Variants in STXBP3 observed in about 807,000 individuals in gnomAD.
STXBP3 encodes the protein syntaxin binding protein 3, also known as syntaxin-binding protein 3.
In STXBP3, 41 loss-of-function variants were observed where a neutral mutation model predicts 85.7. The ratio of observed to expected loss-of-function variants is 0.48; its 90% CI spans 0.37 to 0.62. The LOEUF is 0.62. Ranked by LOEUF, STXBP3 falls within the 20% of genes least tolerant of loss-of-function variation. The pLI is 0.00. For missense variants in STXBP3, 563 were observed against 703.1 expected, an observed-to-expected ratio of 0.80 and a Z score of 2.25; for synonymous variants, 229 against 231.7, an observed-to-expected ratio of 0.99 and a Z score of 0.10.
intron 12 of STXBP3, 28 bp from the exon 13 acceptor site, chr1:108,794,799 T>C (rs1557813976): frequency 1.3e-6 from 2 of 1,593,306 alleles, no homozygotes; most frequent in South Asian, 2.2e-5. Context: ...TAAAATCCTT[T>C]AAATGATTGA....
In STXBP3 at chr1:108,772,430, TATG is replaced by T. The variant is rs549862963; in HGVS notation, c.439-232_439-230del. On this transcript the variant is annotated intron_variant, in intron 6 of 18. Transcript: ENST00000370008. ...ATATCTATCTGTATATATAAATACA[TATG>T]ATATCTATCTGTATAATATATAAAT... Among the ~76,000 whole-genome samples, 708 of 133,402 alleles carry T rather than the reference TATG, an allele frequency of 5.3e-3. 72 individuals are homozygous for T. The highest frequency in any genetic ancestry group is 0.02 in the African/African-American group (670 of 34,332). 87.5% of individuals were successfully genotyped at this position (133,402 alleles called of 152,430 possible). A position where few individuals can be genotyped will look rare whatever the true frequency, so the allele number is the denominator to read the frequency against.
chr1:108,800,280 G>A lies in STXBP3; in HGVS notation c.1510G>A (p.Val504Ile), dbSNP rs61736393. 1.8e-4 allele frequency: 284 copies of A among 1,611,794 alleles called. No homozygotes were observed. In the African/African-American group the frequency reaches 3.5e-3, roughly 20 times the overall value. The change falls in exon 17 of 19, where the codon GTA (valine) becomes ATA (isoleucine). Residue 504 changes from valine (V) to isoleucine (I), a missense_variant. Val to Ile is a conservative substitution (Grantham distance 29). Around this residue, in one of 3 missense-constraint regions of STXBP3, gnomAD observed 494 missense variants for 592.8 expected, o/e 0.83. Transcript: ENST00000370008. ...GCCATATTGTTCCCAGTGTCCAGCA[G>A]TATGGAATGGTTCAGGAGCTGTAAG... ...EWPYCSQCPA[V>I]WNGSGAVSAR...
chr1:108,789,958 C>T (rs1046473946), intron 11 of STXBP3, among the ~76,000 whole-genome samples: 1 of 134,796 alleles, frequency 7.4e-6, no homozygotes, highest in African/African-American at 2.9e-5. Flanking sequence ...TCCAGCTACT[C>T]AGGAGGCTGG....
chr1:108,795,656 A>T (rs1663073583), intron 13 of STXBP3, among the ~76,000 whole-genome samples: 1 of 152,166 alleles, frequency 6.6e-6, no homozygotes, highest in Non-Finnish European at 1.5e-5. Flanking sequence ...GACTGATCCC[A>T]TTTCAAGTGT....
chr1:108,791,218 A>G (rs1396807951), intron 11 of STXBP3, among the ~76,000 whole-genome samples: 1 of 152,190 alleles, frequency 6.6e-6, no homozygotes, highest in Non-Finnish European at 1.5e-5. Flanking sequence ...GAAAAAAGGC[A>G]GCTGTTAAGT....
chr1:108,750,645 C>CAGTTAGTTAGGAACT (rs1661880619), intron 1 of STXBP3, among the ~76,000 whole-genome samples: 1 of 152,118 alleles, frequency 6.6e-6, no homozygotes, highest in African/African-American at 2.4e-5. Context: ...GTAGGATATC[C>CAGTTAGTTAGGAACT]AGTTAGTTAG....
At chr1:108,796,411 T>C (rs1433736961) in intron 14 of STXBP3, 39 bp downstream of exon 14, 3 of 1,371,354 alleles carry the variant, frequency 2.2e-6, no homozygotes, top group East Asian at 4.8e-5. Context: ...TATTTTACTA[T>C]TGATCATAAA....
chr1:108,803,069 A>G (rs1408889017), intron 17 of STXBP3, among the ~76,000 whole-genome samples: 2 of 152,218 alleles, frequency 1.3e-5, no homozygotes, highest in Non-Finnish European at 2.9e-5. Context: ...GTATATCTGG[A>G]TAGGGTGCTT....
intron 17 of STXBP3, among the ~76,000 whole-genome samples, chr1:108,805,527 C>T (rs1384716808): frequency 2.0e-5 from 3 of 150,480 alleles, no homozygotes; most frequent in Admixed American, 1.3e-4. Flanking sequence ...CAGGTTCAAG[C>T]GATTCTTCTG....
chr1:108,789,810 A>G (rs1485158154), intron 11 of STXBP3, among the ~76,000 whole-genome samples: 1 of 152,100 alleles, frequency 6.6e-6, no homozygotes, highest in African/African-American at 2.4e-5. Flanking sequence ...TCGTGCCTGT[A>G]ATCCCAGCAC....
chr1:108,757,230 A>G (rs1406180597), intron 4 of STXBP3, among the ~76,000 whole-genome samples: 1 of 152,154 alleles, frequency 6.6e-6, no homozygotes, highest in East Asian at 1.9e-4. Context: ...ATCTGACTCT[A>G]TGACCTAACT....
chr1:108,756,836 A>G (rs947876513), intron 4 of STXBP3, 70 bp downstream of exon 4: 7 of 1,166,690 alleles, frequency 6.0e-6, no homozygotes, highest in Non-Finnish European at 7.2e-6. Context: ...ACTAACAGAA[A>G]ATTCAAAGTA....
At chr1:108,771,487 TC>T (rs1229571127) in intron 6 of STXBP3, among the ~76,000 whole-genome samples, 21 of 68,144 alleles carry the variant, frequency 3.1e-4, no homozygotes, top group African/African-American at 4.2e-4. Flanking sequence ...TCTATATATA[TC>T]ATATATAAAT....
chr1:108,803,558 G>C (rs576090829), intron 17 of STXBP3, among the ~76,000 whole-genome samples: 2 of 151,990 alleles, frequency 1.3e-5, no homozygotes, highest in African/African-American at 2.4e-5. Flanking sequence ...GCACGATCTC[G>C]GCTCACTACA....
At chr1:108,803,562 C>T (rs1663273213) in intron 17 of STXBP3, among the ~76,000 whole-genome samples, 1 of 152,166 alleles carries the variant, frequency 6.6e-6, no homozygotes, top group Non-Finnish European at 1.5e-5. Flanking sequence ...GATCTCGGCT[C>T]ACTACAACCT....
intron 7 of STXBP3, among the ~76,000 whole-genome samples, chr1:108,773,918 A>G (rs1457295872): frequency 1.3e-5 from 2 of 152,148 alleles, no homozygotes; most frequent in African/African-American, 4.8e-5. Flanking sequence ...ATGTTAATTC[A>G]TTCCAAAATG....
At chr1:108,757,922 A>AT (rs1283848502) in intron 4 of STXBP3, among the ~76,000 whole-genome samples, 1 of 152,060 alleles carries the variant, frequency 6.6e-6, no homozygotes, top group Non-Finnish European at 1.5e-5. Context: ...ATTAAAAATA[A>AT]TTTTTCTAGG....
At chr1:108,752,359 A>G in intron 2 of STXBP3, 53 bp downstream of exon 2, 1 of 1,528,800 alleles carries the variant, frequency 6.5e-7, no homozygotes, top group Non-Finnish European at 9.0e-7. Context: ...TTTAAAAACA[A>G]TACAGTATAA....
At chr1:108,783,257 G>T (rs1207095379) in intron 11 of STXBP3, among the ~76,000 whole-genome samples, 1 of 152,154 alleles carries the variant, frequency 6.6e-6, no homozygotes, top group Non-Finnish European at 1.5e-5. Flanking sequence ...TAATTTATAA[G>T]TAAAGCACAC....
Sources: gnomAD v4.1 joint callset for allele counts (sites outside exome capture counted in the v4.1 genomes callset) on GRCh38, gnomAD v4.1.1 for gene constraint, gnomAD v4.1.1 regional missense constraint, MANE v1.5 for transcripts, NCBI Gene and HGNC (gene_info 2026-07-23, HGNC 2026-07-21) for gene names.